The following USP8 variants were observed in gnomAD, a reference collection of about 807,000 sequenced individuals.
The protein encoded by USP8 is ubiquitin specific peptidase 8, also known as ubiquitin carboxyl-terminal hydrolase 8.
In USP8, 27 loss-of-function variants were observed where a neutral mutation model predicts 130.0. That is an observed-to-expected ratio of 0.21 (90% CI 0.15 to 0.29). The LOEUF is 0.29. Among genes scored for constraint, USP8 ranks in the 10% least tolerant of loss-of-function variants. The probability of loss-of-function intolerance (pLI) is 1.00; values close to 1 mark genes in which losing one functional copy is unlikely to be tolerated. For missense variants in USP8, 1,029 were observed against 1,312.2 expected (o/e 0.78, Z 3.33); for synonymous variants, 392 against 444.1 (o/e 0.88, Z 1.48).
At position 50,481,586 on chromosome 15, in the gene USP8, C is replaced by T; in HGVS notation, c.1324C>T (p.Pro442Ser). Residue 442 changes from proline to serine, a missense_variant, in exon 11 of 20, where the codon CCT (proline) becomes TCT (serine). Pro to Ser is a moderately conservative substitution (Grantham distance 74). Around this residue, in one of 4 missense-constraint regions of USP8, gnomAD observed 486 missense variants for 522.0 expected, o/e 0.93. Coordinates refer to ENST00000307179, the MANE Select transcript of USP8 (RefSeq NM_005154.5). The stretch of plus-strand genomic sequence containing the variant: ...ATCTCCTCAGAGTGGAAAAGTTATT[C>T]CTGATCGTTCCACCAAGCCAGTAGT... Reference protein sequence around the residue: ...QQSPQSGKVIPDRSTKPVVFS... With the variant: ...QQSPQSGKVISDRSTKPVVFS... 2 of 1,614,044 alleles carry T rather than the reference C, an allele frequency of 1.2e-6. No individual in the cohort carries two copies.
At position 50,511,555 on chromosome 15, in the gene USP8, T is replaced by C. The variant is rs1374093840; in HGVS notation, c.*12467T>C. 2 of 152,230 alleles carry C rather than the reference T, an allele frequency of 1.3e-5. No homozygotes were observed. The highest frequency in any genetic ancestry group is 2.9e-5 in the Non-Finnish European group (2 of 68,030). The allele number at this position is 152,230 out of a possible 1,614,324, so 9.4% of individuals were successfully genotyped here. On this transcript the variant is annotated 3_prime_UTR_variant, in exon 20 of 20. Coordinates refer to ENST00000307179, the MANE Select transcript of USP8 (RefSeq NM_005154.5). ...CACTGGATGGATTAAGGAAATGTGG[T>C]ATATCCTATACAATGGAATATTATT...
Position 50,477,470 on chromosome 15 carries a change from C to G in USP8, c.1189C>G (p.Pro397Ala), listed in dbSNP as rs2051606289. Residue 397 changes from proline to alanine, a missense_variant, in exon 10 of 20, where the codon CCA becomes GCA. Physicochemically the swap from Pro to Ala is conservative, Grantham distance 27. Transcript: ENST00000307179. ...ATCTGATGTTTCACCCATAATTCAGCCAGTGCCTAGTATAAAGAATGTTCC... is the reference window on the plus strand; with the variant it reads ...ATCTGATGTTTCACCCATAATTCAGGCAGTGCCTAGTATAAAGAATGTTCC... ...SKSDVSPIIQ[P>A]VPSIKNVPQI... 6.2e-7 allele frequency: 1 copy of G among 1,613,946 alleles called. No individual in the cohort carries two copies. The highest frequency in any genetic ancestry group is 1.3e-5 in the African/African-American group (1 of 75,032).
At chr15:50,454,710 C>T (rs923908328) in intron 4 of USP8, among the ~76,000 whole-genome samples, 1 of 152,172 alleles carries the variant, frequency 6.6e-6, no homozygotes, top group African/African-American at 2.4e-5. Context: ...CCACCTCGGC[C>T]TCCCAGAGTG....
intron 1 of USP8, among the ~76,000 whole-genome samples, chr15:50,433,175 A>G (rs1286459052): frequency 6.6e-6 from 1 of 152,062 alleles, no homozygotes; most frequent in Non-Finnish European, 1.5e-5. Context: ...TGGAGGTTGC[A>G]GTGAGCCAAG....
chr15:50,462,066 C>A (rs1450354351), intron 5 of USP8, among the ~76,000 whole-genome samples: 2 of 151,460 alleles, frequency 1.3e-5, no homozygotes, highest in Non-Finnish European at 2.9e-5. Context: ...AGGAAATGTT[C>A]TATGATTCTG....
intron 4 of USP8, among the ~76,000 whole-genome samples, chr15:50,457,925 A>G (rs900362467): frequency 2.0e-5 from 3 of 152,286 alleles, no homozygotes; most frequent in South Asian, 2.1e-4. Context: ...TAAAGATACA[A>G]TAAAGAGAAT....
At position 50,481,708 on chromosome 15, in the gene USP8, T is replaced by C. The variant is rs760199793; in HGVS notation, c.1446T>C (p.Leu482=). The change falls in exon 11 of 20, where the codon CTT becomes CTC. Residue 482 remains leucine (L), a synonymous_variant. Coordinates refer to ENST00000307179, the MANE Select transcript of USP8 (RefSeq NM_005154.5). The stretch of plus-strand genomic sequence containing the variant: ...AAAAAAACAAACAAGAAAAAGAACT[T>C]CGGGAAAGGCAGCAAGAGGAACAGA... ...LMEKNKQEKE[L]RERQQEEQKE... is the part of the protein sequence containing the mutation. 5 of 1,610,758 alleles carry C rather than the reference T, an allele frequency of 3.1e-6. No individual in the cohort carries two copies. The African/African-American group carries it at 5.4e-5, about 17-fold the overall frequency.
At chr15:50,494,040 T>C (rs374051412) in intron 15 of USP8, 30 bp from the exon 16 acceptor site, 2 of 1,590,810 alleles carry the variant, frequency 1.3e-6, no homozygotes, top group African/African-American at 2.7e-5. Context: ...TTTCCTTTAT[T>C]GTCTTTTGTA....
intron 3 of USP8, among the ~76,000 whole-genome samples, chr15:50,443,463 A>T (rs751699301): frequency 5.3e-5 from 8 of 151,950 alleles, no homozygotes; most frequent in African/African-American, 7.2e-5. Flanking sequence ...AGTTATTCTA[A>T]TAATAGTTAC....
chr15:50,455,330 G>A (rs936002180), intron 4 of USP8, among the ~76,000 whole-genome samples: 2 of 151,208 alleles, frequency 1.3e-5, no homozygotes, highest in Admixed American at 6.6e-5. Flanking sequence ...CTCCTACCAG[G>A]GCCTCCCAAA....
intron 11 of USP8, among the ~76,000 whole-genome samples, chr15:50,483,788 G>C (rs189200525): frequency 6.7e-6 from 1 of 150,086 alleles, no homozygotes; most frequent in African/African-American, 2.5e-5. Flanking sequence ...AGCGAGACTC[G>C]GTCTCCAAAA....
At chr15:50,448,589 G>A (rs1309334653) in intron 3 of USP8, among the ~76,000 whole-genome samples, 3 of 151,192 alleles carry the variant, frequency 2.0e-5, no homozygotes, top group Non-Finnish European at 2.9e-5. Flanking sequence ...GCGCAATCTC[G>A]GCTCACTGCA....
chr15:50,445,073 G>T (rs1336267220), intron 3 of USP8, among the ~76,000 whole-genome samples: 1 of 151,930 alleles, frequency 6.6e-6, no homozygotes, highest in African/African-American at 2.4e-5. Context: ...ACTGTTTTCT[G>T]TTTTTTGTTA....
chr15:50,465,029 G>A lies in USP8; in HGVS notation c.542-18G>A, dbSNP rs372025842. 8.1e-6 allele frequency: 13 copies of A among 1,612,434 alleles called. No individual in the cohort carries two copies. Among genetic ancestry groups the A allele is most frequent in the South Asian group, 1.1e-5 (1 of 90,822 alleles). On this transcript the variant is annotated intron_variant, in intron 6 of 19. Coordinates refer to ENST00000307179, the MANE Select transcript of USP8 (RefSeq NM_005154.5). ...TGTGCTGTTTCTTGTCACTTACACT[G>A]TCTCTCTCAATTCCAAGGAGCAATC...
intron 4 of USP8, among the ~76,000 whole-genome samples, chr15:50,449,867 CA>C (rs1555528516): frequency 6.7e-6 from 1 of 148,624 alleles, no homozygotes; most frequent in Non-Finnish European, 1.5e-5. Flanking sequence ...AGGTGTGGGC[CA>C]CCATGCCTGG....
At chr15:50,483,816 G>GATGTTATA (rs972591931) in intron 11 of USP8, among the ~76,000 whole-genome samples, 1 of 151,702 alleles carries the variant, frequency 6.6e-6, no homozygotes, top group African/African-American at 2.4e-5. Context: ...AAGAATCTGT[G>GATGTTATA]ATGTTATAAG....
Position 50,495,837 on chromosome 15 carries a change from T to C in USP8, c.2659-11T>C, listed in dbSNP as rs2052380262. ...GATATTAATATAGAGCTTAAATCATTTTATTTCCAGGCTGATAATCGGAAG... is the reference window on the plus strand; with the variant it reads ...GATATTAATATAGAGCTTAAATCATCTTATTTCCAGGCTGATAATCGGAAG... On this transcript the variant is annotated splice_polypyrimidine_tract_variant and intron_variant, in intron 16 of 19. Coordinates refer to ENST00000307179, the MANE Select transcript of USP8 (RefSeq NM_005154.5). The C allele has an allele frequency of 1.9e-6, 3 of 1,597,638 alleles. No individual in the cohort carries two copies. Among genetic ancestry groups the C allele is most frequent in the African/African-American group, 1.3e-5 (1 of 74,252 alleles).
chr15:50,500,027 A>C lies in USP8; in HGVS notation c.*939A>C, dbSNP rs1263323151. ...AGTGATGTATTAAGAGGGTTAAAGG[A>C]GCTTATAATTTATTTAACCGAGGGA... On this transcript the variant is annotated 3_prime_UTR_variant, in exon 20 of 20. Coordinates refer to ENST00000307179, the MANE Select transcript of USP8 (RefSeq NM_005154.5). The C allele has an allele frequency of 6.6e-6, 1 of 152,164 alleles. No individual in the cohort carries two copies. The highest frequency in any genetic ancestry group is 1.5e-5 in the Non-Finnish European group (1 of 68,028). The allele number at this position is 152,164 out of a possible 1,614,324, so 9.4% of individuals were successfully genotyped here.
intron 5 of USP8, 124 bp from the exon 6 acceptor site, chr15:50,462,156 A>G: frequency 1.4e-6 from 1 of 690,736 alleles, no homozygotes; most frequent in East Asian, 3.3e-5. Flanking sequence ...GCGTTTTTAT[A>G]AAAGGCCAGT....
Sources: gnomAD v4.1 joint callset for allele counts (sites outside exome capture counted in the v4.1 genomes callset) on GRCh38, gnomAD v4.1.1 for gene constraint, gnomAD v4.1.1 regional missense constraint, MANE v1.5 for transcripts, NCBI Gene and HGNC (gene_info 2026-07-23, HGNC 2026-07-21) for gene names.